IBTK: variants seen among roughly 807,000 people sequenced by gnomAD.
IBTK encodes BTK-binding protein.
In IBTK, 83 loss-of-function variants were observed where a neutral mutation model predicts 154.9. The observed-to-expected ratio is 0.54, with a 90% CI of 0.45 to 0.64. IBTK has a LOEUF of 0.64. IBTK is among the 30% of genes least tolerant of loss of function. The pLI, the probability that IBTK is intolerant of heterozygous loss-of-function variation, is 0.00. For missense variants in IBTK, 1,332 were observed against 1,584.6 expected, an observed-to-expected ratio of 0.84 and a Z score of 2.71; for synonymous variants, 515 against 536.1, an observed-to-expected ratio of 0.96 and a Z score of 0.54.
In IBTK at chr6:82,191,253, TGACA is replaced by T; in HGVS notation, c.3432-41_3432-38del. ...ACCAATTAGTTTCAGTGGTTTCTTCTGACAAAGTTTAATTCCATGAGAAATCATT... is the reference window on the plus strand; with the variant it reads ...ACCAATTAGTTTCAGTGGTTTCTTCTAAGTTTAATTCCATGAGAAATCATT... On this transcript the variant is annotated intron_variant, in intron 24 of 28. Coordinates refer to ENST00000306270, the MANE Select transcript of IBTK (RefSeq NM_015525.4). 6 of 1,537,662 alleles carry T rather than the reference TGACA, an allele frequency of 3.9e-6. No homozygotes were observed. In the South Asian group the frequency reaches 7.3e-5, roughly 19 times the overall value.
At chr6:82,226,033 A>T (rs996736601) in intron 5 of IBTK, among the ~76,000 whole-genome samples, 15 of 152,188 alleles carry the variant, frequency 9.9e-5, no homozygotes, top group Admixed American at 2.0e-4. Context: ...ATATAGTATC[A>T]TATTCCTTTG....
chr6:82,204,948 A>G lies in IBTK; in HGVS notation c.2520T>C (p.Asn840=), dbSNP rs964898627. ...DEAVVIKESQ[N]VDFICSVLVV... ...CAAGAACACTACAAATAAAATCTAC[A>G]TTTTGAGATTCTAAAAAAAGAAAGA... Residue 840 remains asparagine, a synonymous_variant, in exon 17 of 29, where the codon AAT becomes AAC. Coordinates refer to ENST00000306270, the MANE Select transcript of IBTK (RefSeq NM_015525.4). 3 of 1,585,312 alleles carry G rather than the reference A, an allele frequency of 1.9e-6. No individual in the cohort carries two copies. The highest frequency in any genetic ancestry group is 1.2e-5 in the South Asian group (1 of 86,212).
chr6:82,246,441 C>CTCT (rs780889890), intron 1 of IBTK, among the ~76,000 whole-genome samples: 1 of 111,680 alleles, frequency 9.0e-6, no homozygotes, highest in South Asian at 3.0e-4. Context: ...TTACAGGCAT[C>CTCT]TTTTTTTTTT....
chr6:82,197,545 G>T (rs1488774179), intron 21 of IBTK, among the ~76,000 whole-genome samples: 5 of 151,668 alleles, frequency 3.3e-5, no homozygotes, highest in African/African-American at 1.2e-4. Flanking sequence ...AATTTTTTTT[G>T]TATTTTTACT....
intron 23 of IBTK, among the ~76,000 whole-genome samples, chr6:82,193,828 C>T (rs963473529): frequency 2.0e-5 from 3 of 151,876 alleles, no homozygotes; most frequent in Admixed American, 2.0e-4. Context: ...ATTACAAGTG[C>T]GTACCACCAC....
chr6:82,225,920 T>A (rs1318310949), intron 5 of IBTK, among the ~76,000 whole-genome samples: 1 of 152,302 alleles, frequency 6.6e-6, no homozygotes, highest in Admixed American at 6.5e-5. Context: ...CAAGTGCAAA[T>A]TTGTTTGGTA....
At position 82,172,380 on chromosome 6, in the gene IBTK, C is replaced by T. The variant is rs199855859; in HGVS notation, c.3930G>A (p.Gln1310=). The T allele has an allele frequency of 3.1e-6, 5 of 1,612,052 alleles. No individual in the cohort carries two copies. Among genetic ancestry groups the T allele is most frequent in the East Asian group, 2.2e-5 (1 of 44,830 alleles). ...AAACCCTACTAAGTATGTTATTTAC[C>T]TGAATCAGAGCCAACGGTTTTTCTC... The part of the protein sequence containing the change: ...RSREKPLALI[Q]IEEHAIQDLL... Residue 1310 remains glutamine (Q), a splice_region_variant and synonymous_variant, in exon 28 of 29, where the codon CAG becomes CAA. Coordinates refer to ENST00000306270, the MANE Select transcript of IBTK (RefSeq NM_015525.4).
chr6:82,232,060 TTG>T (rs1770527892), intron 3 of IBTK, among the ~76,000 whole-genome samples: 3 of 102,972 alleles, frequency 2.9e-5, no homozygotes, highest in Admixed American at 2.0e-4. Context: ...TTTTTTGTTG[TTG>T]TTTTTTTTTA....
intron 7 of IBTK, 132 bp downstream of exon 7, chr6:82,223,936 G>A: frequency 1.6e-6 from 1 of 644,894 alleles, no homozygotes. Context: ...ATGACAGAGT[G>A]AGACTTTGTC....
chr6:82,223,222 C>T (rs1022273142), intron 8 of IBTK, among the ~76,000 whole-genome samples: 31 of 152,090 alleles, frequency 2.0e-4, no homozygotes, highest in Admixed American at 1.5e-3. Context: ...AAACATAATT[C>T]AGAAATACCA....
rs939276912 is a variant in IBTK at position 82,219,983 on chromosome 6, G to T, written c.1248+607C>A. Among the ~76,000 whole-genome samples, 5 of 152,214 alleles carry T rather than the reference G, an allele frequency of 3.3e-5. No individual in the cohort carries two copies. In the East Asian group the frequency reaches 9.7e-4, roughly 30 times the overall value. On this transcript the variant is annotated intron_variant, in intron 9 of 28. Coordinates refer to ENST00000306270, the MANE Select transcript of IBTK (RefSeq NM_015525.4). Reference sequence around the variant, plus strand: ...CCAGTACTTTGTGGGGCTGAGGAGGGCAGATCACTTGAGGCCAGGAGTTTG... The same window carrying T: ...CCAGTACTTTGTGGGGCTGAGGAGGTCAGATCACTTGAGGCCAGGAGTTTG...
chr6:82,232,637 C>A (rs1011478003), intron 3 of IBTK, among the ~76,000 whole-genome samples: 3 of 152,228 alleles, frequency 2.0e-5, no homozygotes, highest in Non-Finnish European at 2.9e-5. Context: ...CCAATTAAAT[C>A]TTTTCTTTTC....
chr6:82,215,781 A>C (rs1769847247), intron 11 of IBTK, among the ~76,000 whole-genome samples: 1 of 37,944 alleles, frequency 2.6e-5, no homozygotes, highest in African/African-American at 8.2e-5. Flanking sequence ...ACTCCATCTC[A>C]AAAAAAAAAA....
intron 8 of IBTK, 70 bp from the exon 9 acceptor site, chr6:82,220,783 G>GT: frequency 8.1e-7 from 1 of 1,234,986 alleles, no homozygotes; most frequent in Non-Finnish European, 1.1e-6. Flanking sequence ...CTTCAAAGAA[G>GT]TTAGTATTCA....
At position 82,216,058 on chromosome 6, in the gene IBTK, T is replaced by C; in HGVS notation, c.1601+18A>G. 6.4e-7 allele frequency: 1 copy of C among 1,559,794 alleles called. No individual in the cohort carries two copies. The highest frequency in any genetic ancestry group is 8.7e-7 in the Non-Finnish European group (1 of 1,153,516). ...ATTGTTCCTTCTAAAAAATGAAATT[T>C]AATATATACAAGTATACCTTGTTTT... On this transcript the variant is annotated intron_variant, in intron 11 of 28. Transcript: ENST00000306270.
rs180968805 is a variant in IBTK, at chr6:82,219,491, T to G, written c.1248+1099A>C. 3.3e-5 allele frequency among the ~76,000 whole-genome samples: 5 copies of G among 152,202 alleles called. No homozygotes were observed. In the East Asian group the frequency reaches 9.6e-4, roughly 29 times the overall value. ...GTGTTCTTCTACCCATACTGTGTGTTTTTCAGTATCATTAGTGTATGATAT... is the reference window on the plus strand; with the variant it reads ...GTGTTCTTCTACCCATACTGTGTGTGTTTCAGTATCATTAGTGTATGATAT... On this transcript the variant is annotated intron_variant, in intron 9 of 28. Coordinates refer to ENST00000306270, the MANE Select transcript of IBTK (RefSeq NM_015525.4).
rs72900673 is a variant in IBTK, at chr6:82,227,068, A to G, written c.654+124T>C. ...TATATCAGGAAACAGATTTTTTAAA[A>G]TCTATTATCAATTGATGTATTATTT... On this transcript the variant is annotated intron_variant, in intron 5 of 28. Coordinates refer to ENST00000306270, the MANE Select transcript of IBTK (RefSeq NM_015525.4). 4,015 of 563,684 alleles carry G rather than the reference A, an allele frequency of 7.1e-3. 27 individuals carry two copies. The highest frequency in any genetic ancestry group is 0.012 in the South Asian group (423 of 36,608). The allele number at this position is 563,684 out of a possible 1,614,324, so 34.9% of individuals were successfully genotyped here.
Position 82,212,756 on chromosome 6 carries a change from CATTA to C in IBTK, c.2238_2241del (p.Ile746MetfsTer11), listed in dbSNP as rs779141343. The C allele has an allele frequency of 1.0e-5, 16 of 1,597,794 alleles. No homozygotes were observed. The highest frequency in any genetic ancestry group is 4.0e-5 in the African/African-American group (3 of 74,556). On this transcript the variant is annotated frameshift_variant, in exon 13 of 29. Coordinates refer to ENST00000306270, the MANE Select transcript of IBTK (RefSeq NM_015525.4). LOFTEE classifies it high-confidence loss of function. ...TTATTACCAGTGTTCTTGGCAATAACATTAATTTTTTCATTTTCAAATCTGACTC... is the reference window on the plus strand; with the variant it reads ...TTATTACCAGTGTTCTTGGCAATAACATTTTTTCATTTTCAAATCTGACTC...
chr6:82,214,215 G>T lies in IBTK; in HGVS notation c.2204+12C>A. On this transcript the variant is annotated intron_variant, in intron 12 of 28. Coordinates refer to ENST00000306270, the MANE Select transcript of IBTK (RefSeq NM_015525.4). ...ATGAGGTACAGGAACAGATATAAAA[G>T]AGAAATCATACCTACTACTCAAATT... 1 of 1,596,880 alleles carries T rather than the reference G, an allele frequency of 6.3e-7. No individual in the cohort carries two copies. Among genetic ancestry groups the T allele is most frequent in the Non-Finnish European group, 8.5e-7 (1 of 1,173,666 alleles).
Sources: gnomAD v4.1 joint callset for allele counts (sites outside exome capture counted in the v4.1 genomes callset) on GRCh38, gnomAD v4.1.1 for gene constraint, MANE v1.5 for transcripts, NCBI Gene and HGNC (gene_info 2026-07-23, HGNC 2026-07-21) for gene names.